Variants in ABCD2 observed in about 807,000 individuals in gnomAD.
ABCD2 encodes the protein ATP binding cassette subfamily D member 2.
In ABCD2, 36 loss-of-function variants were observed where a neutral mutation model predicts 70.9. That is an observed-to-expected ratio of 0.51 (90% CI 0.39 to 0.67). ABCD2 has a LOEUF of 0.67. ABCD2 is among the 30% of genes least tolerant of loss of function. The pLI is 0.00. For synonymous variants in ABCD2, 304 were observed against 306.9 expected (o/e 0.99, Z 0.10); for missense variants, 729 against 890.2 (o/e 0.82, Z 2.30).
At chr12:39,587,189 GA>G (rs1193274233) in intron 6 of ABCD2, among the ~76,000 whole-genome samples, 23 of 152,138 alleles carry the variant, frequency 1.5e-4, no homozygotes, top group African/African-American at 4.8e-4. Flanking sequence ...AAGACAGACA[GA>G]ATAAACTATA....
downstream of ABCD2, among the ~76,000 whole-genome samples, chr12:39,546,314 A>G (rs1941024961): frequency 6.6e-6 from 1 of 151,878 alleles, no homozygotes; most frequent in Non-Finnish European, 1.5e-5. Flanking sequence ...CTCCATTTGT[A>G]TTCATTTGTT....
chr12:39,615,923 G>C (rs1592001059), intron 2 of ABCD2, among the ~76,000 whole-genome samples: 2 of 152,000 alleles, frequency 1.3e-5, no homozygotes, highest in Middle Eastern at 3.4e-3. Context: ...GGTAATAATT[G>C]TCACCATATA....
At chr12:39,564,629 T>A (rs1941314789) in intron 9 of ABCD2, among the ~76,000 whole-genome samples, 1 of 152,216 alleles carries the variant, frequency 6.6e-6, no homozygotes, top group Admixed American at 6.5e-5. Flanking sequence ...AACTCTTTAG[T>A]TTAATTAGAT....
At chr12:39,616,923 G>T (rs1942123261) in intron 2 of ABCD2, 65 bp downstream of exon 2, 4 of 1,415,238 alleles carry the variant, frequency 2.8e-6, no homozygotes, top group Non-Finnish European at 3.8e-6. Flanking sequence ...CATAAAACTA[G>T]CAATGACAAC....
At chr12:39,616,866 T>A (rs1942122249) in intron 2 of ABCD2, 122 bp downstream of exon 2, 3 of 852,024 alleles carry the variant, frequency 3.5e-6, no homozygotes, top group Non-Finnish European at 5.0e-6. Context: ...TGCCATTGTT[T>A]CGGACCATTG....
At chr12:39,559,701 G>T (rs1415387253) in intron 9 of ABCD2, among the ~76,000 whole-genome samples, 4 of 152,090 alleles carry the variant, frequency 2.6e-5, no homozygotes, top group African/African-American at 9.7e-5. Context: ...AACCTCACAG[G>T]CCAGGAGAGA....
intron 9 of ABCD2, among the ~76,000 whole-genome samples, chr12:39,566,928 T>A (rs916570506): frequency 6.6e-6 from 1 of 152,226 alleles, no homozygotes; most frequent in Non-Finnish European, 1.5e-5. Context: ...AGTTTCCATG[T>A]AGTTTAGCGG....
In ABCD2 at chr12:39,618,663, A is replaced by C; in HGVS notation, c.939+14T>G. 2 of 1,600,212 alleles carry C rather than the reference A, an allele frequency of 1.2e-6. No individual in the cohort carries two copies. The highest frequency in any genetic ancestry group is 1.7e-6 in the Non-Finnish European group (2 of 1,173,440). On this transcript the variant is annotated intron_variant, in intron 1 of 9. Coordinates refer to ENST00000308666, the MANE Select transcript of ABCD2 (RefSeq NM_005164.4). ...AGTTTCACATTTCACCCATCACCTT[A>C]ATTTCTATCTTACCTTATGTCCTCT...
chr12:39,531,398 A>G, the ABCD2 span, among the ~76,000 whole-genome samples: 11 of 152,328 alleles, frequency 7.2e-5, no homozygotes, highest in African/African-American at 2.2e-4. Flanking sequence ...AATGCCCTTA[A>G]GAAGGAGGCT....
the ABCD2 span, among the ~76,000 whole-genome samples, chr12:39,541,567 G>A: frequency 6.6e-6 from 1 of 152,192 alleles, no homozygotes. Flanking sequence ...TCTTTCCCAA[G>A]AGTTATGAAA....
intron 9 of ABCD2, among the ~76,000 whole-genome samples, chr12:39,561,686 G>A (rs1007479305): frequency 3.4e-4 from 52 of 151,994 alleles, no homozygotes; most frequent in African/African-American, 1.2e-3. Context: ...CCCAACATCA[G>A]AGCACATATA....
At position 39,563,176 on chromosome 12, in the gene ABCD2, C is replaced by A. The variant is rs181974222; in HGVS notation, c.2004-9045G>T. Among the ~76,000 whole-genome samples the A allele has an allele frequency of 2.5e-3, 375 of 152,202 alleles. 1 individual carries two copies. Among genetic ancestry groups the A allele is most frequent in the Non-Finnish European group, 2.7e-3 (187 of 68,014 alleles). On this transcript the variant is annotated intron_variant, in intron 9 of 9. Transcript: ENST00000308666. ...GGAACATAGCTCAACAAAATAAAGACCATATGTGACAAGCCCACAGCTAAC... is the reference window on the plus strand; with the variant it reads ...GGAACATAGCTCAACAAAATAAAGAACATATGTGACAAGCCCACAGCTAAC...
the ABCD2 span, among the ~76,000 whole-genome samples, chr12:39,542,011 G>A: frequency 2.0e-5 from 3 of 152,218 alleles, no homozygotes; most frequent in Non-Finnish European, 4.4e-5. Flanking sequence ...TAAAAGGAAA[G>A]CAGCATAGGG....
intron 7 of ABCD2, among the ~76,000 whole-genome samples, chr12:39,584,343 T>G (rs1941637212): frequency 6.6e-6 from 1 of 152,192 alleles, no homozygotes; most frequent in Non-Finnish European, 1.5e-5. Context: ...TCATGTCCTT[T>G]TCCCACTTTG....
At chr12:39,564,503 G>C (rs1941311960) in intron 9 of ABCD2, among the ~76,000 whole-genome samples, 1 of 152,186 alleles carries the variant, frequency 6.6e-6, no homozygotes, top group East Asian at 1.9e-4. Flanking sequence ...AAATTTGTTG[G>C]AGTTCATTGT....
chr12:39,573,965 G>T (rs1941483055), intron 8 of ABCD2, 124 bp from the exon 9 acceptor site: 23 of 905,454 alleles, frequency 2.5e-5, no homozygotes, highest in Non-Finnish European at 2.7e-5. Context: ...CATTATTAAA[G>T]GCAATAAATG....
chr12:39,558,290 C>T (rs1941200388), intron 9 of ABCD2, among the ~76,000 whole-genome samples: 2 of 152,266 alleles, frequency 1.3e-5, no homozygotes, highest in East Asian at 3.9e-4. Flanking sequence ...TCATGTACCC[C>T]CATTATATCT....
chr12:39,544,942 T>A, the ABCD2 span, among the ~76,000 whole-genome samples: 2 of 152,210 alleles, frequency 1.3e-5, no homozygotes, highest in Non-Finnish European at 1.5e-5. Context: ...TAGTACAATT[T>A]CCAATTTTAA....
chr12:39,593,136 G>A (rs920295294), intron 6 of ABCD2, among the ~76,000 whole-genome samples: 2 of 152,178 alleles, frequency 1.3e-5, no homozygotes, highest in African/African-American at 4.8e-5. Flanking sequence ...GTTAAACAAT[G>A]TTGATATATA....
Sources: gnomAD v4.1 joint callset for allele counts (sites outside exome capture counted in the v4.1 genomes callset) on GRCh38, gnomAD v4.1.1 for gene constraint, MANE v1.5 for transcripts, NCBI Gene and HGNC (gene_info 2026-07-23, HGNC 2026-07-21) for gene names.